The following ITGA8 variants were observed in gnomAD, a reference collection of about 807,000 sequenced individuals.
ITGA8 encodes integrin subunit alpha 8.
In ITGA8, 91 loss-of-function variants were observed where a neutral mutation model predicts 142.3. The observed-to-expected ratio is 0.64, with a 90% CI of 0.54 to 0.76. The LOEUF (loss-of-function observed/expected upper bound fraction) is 0.76. ITGA8 is among the 30% of genes least tolerant of loss of function. The pLI, the probability that ITGA8 is intolerant of heterozygous loss-of-function variation, is 0.00. For missense variants in ITGA8, 1,406 were observed against 1,327.7 expected (o/e 1.06, Z -0.92); for synonymous variants, 505 against 485.2 (o/e 1.04, Z -0.54).
chr10:15,713,674 C>T (rs1185462567), intron 2 of ITGA8, among the ~76,000 whole-genome samples: 2 of 152,056 alleles, frequency 1.3e-5, no homozygotes, highest in African/African-American at 4.8e-5. Context: ...AAAAAACAAC[C>T]CTAAGCCAGT....
rs528120756 is a variant in ITGA8, at chr10:15,589,081, G to T, written c.2292-2417C>A. 2.0e-5 allele frequency among the ~76,000 whole-genome samples: 3 copies of T among 152,278 alleles called. No individual in the cohort carries two copies. In the South Asian group the frequency reaches 6.2e-4, roughly 32 times the overall value. On this transcript the variant is annotated intron_variant, in intron 22 of 29. Transcript: ENST00000378076. Reference sequence around the variant, plus strand: ...ACATCCAAACAAGCCATCCATCACCGCCATGGAAGCTGAACTATTTAAACT... The same window carrying T: ...ACATCCAAACAAGCCATCCATCACCTCCATGGAAGCTGAACTATTTAAACT...
chr10:15,589,599 T>C (rs142656580), intron 22 of ITGA8, among the ~76,000 whole-genome samples: 1 of 152,324 alleles, frequency 6.6e-6, no homozygotes, highest in African/African-American at 2.4e-5. Flanking sequence ...TCAGAACATT[T>C]GGTTTAATTT....
chr10:15,662,583 C>T (rs758340095), intron 8 of ITGA8, among the ~76,000 whole-genome samples: 5 of 151,992 alleles, frequency 3.3e-5, no homozygotes, highest in South Asian at 2.1e-4. Context: ...AAGCCATCCA[C>T]CTGCTTCGGC....
intron 20 of ITGA8, among the ~76,000 whole-genome samples, chr10:15,600,997 T>C (rs1833094510): frequency 6.6e-6 from 1 of 152,152 alleles, no homozygotes. Context: ...CTCAGCACTT[T>C]GGGAGGCCAA....
intron 2 of ITGA8, among the ~76,000 whole-genome samples, chr10:15,715,964 T>G (rs1238148129): frequency 6.6e-6 from 1 of 152,170 alleles, no homozygotes; most frequent in East Asian, 1.9e-4. Context: ...CCACACCCAT[T>G]TTCAGGCCAT....
chr10:15,558,579 G>A (rs1245704976), intron 25 of ITGA8, among the ~76,000 whole-genome samples: 3 of 152,142 alleles, frequency 2.0e-5, no homozygotes, highest in African/African-American at 7.2e-5. Context: ...GTTAAACTGA[G>A]GAACGTTCTG....
chr10:15,577,117 C>G (rs911314321), intron 23 of ITGA8, among the ~76,000 whole-genome samples: 1 of 152,104 alleles, frequency 6.6e-6, no homozygotes, highest in Admixed American at 6.6e-5. Context: ...TGTTCACTAT[C>G]CATTGTCCAT....
chr10:15,533,197 C>G (rs367798379), intron 27 of ITGA8, among the ~76,000 whole-genome samples: 1 of 152,112 alleles, frequency 6.6e-6, no homozygotes, highest in African/African-American at 2.4e-5. Flanking sequence ...ATTAGATAAA[C>G]GCTTTTTTCC....
intron 27 of ITGA8, among the ~76,000 whole-genome samples, chr10:15,541,245 C>G (rs1452137856): frequency 6.6e-6 from 1 of 152,172 alleles, no homozygotes; most frequent in African/African-American, 2.4e-5. Context: ...GCAGTGTCAC[C>G]TGTCACCTGA....
chr10:15,529,977 G>A (rs1833256300), intron 28 of ITGA8, among the ~76,000 whole-genome samples: 1 of 152,210 alleles, frequency 6.6e-6, no homozygotes, highest in South Asian at 2.1e-4. Flanking sequence ...AGGTCTGGGG[G>A]ACCAAGAGTT....
intron 13 of ITGA8, among the ~76,000 whole-genome samples, chr10:15,640,035 G>C (rs189671312): frequency 6.6e-6 from 1 of 152,310 alleles, no homozygotes; most frequent in African/African-American, 2.4e-5. Context: ...TGAGACATGA[G>C]GTTTCATTGA....
Position 15,553,994 on chromosome 10 carries a change from C to CA in ITGA8, c.2766+4079dup, listed in dbSNP as rs1417578931. On this transcript the variant is annotated intron_variant, in intron 26 of 29. Transcript: ENST00000378076. ...AGCACCAAGAGTGAAACTCTTGTCT[C>CA]AAGAAAAAAAAAAAGTTATCCATAT... 3.1e-3 allele frequency among the ~76,000 whole-genome samples: 451 copies of CA among 143,196 alleles called. 1 individual carries two copies. Among genetic ancestry groups the CA allele is most frequent in the Non-Finnish European group, 5.0e-3 (327 of 65,568 alleles). 93.9% of individuals were successfully genotyped at this position (143,196 alleles called of 152,430 possible).
At chr10:15,615,534 G>T (rs574794657) in intron 14 of ITGA8, among the ~76,000 whole-genome samples, 42 of 152,194 alleles carry the variant, frequency 2.8e-4, no homozygotes, top group Admixed American at 1.9e-3. Flanking sequence ...TTATTTTTGA[G>T]ATGGAGTCTC....
chr10:15,554,617 G>A (rs1000757517), intron 26 of ITGA8, among the ~76,000 whole-genome samples: 7 of 152,176 alleles, frequency 4.6e-5, no homozygotes, highest in Non-Finnish European at 1.0e-4. Flanking sequence ...GGCTGAGAGA[G>A]TAGAAGACTA....
rs1035267886 is a variant in ITGA8, at chr10:15,525,786, A to G, written c.2982+5264T>C. 5.9e-5 allele frequency among the ~76,000 whole-genome samples: 9 copies of G among 151,308 alleles called. No individual in the cohort carries two copies. The East Asian group carries it at 1.7e-3, about 29-fold the overall frequency. The stretch of plus-strand genomic sequence containing the variant: ...CCTTTCAACATGTAATTGGTTCTTT[A>G]TTATGAATCATGTATTATTTATTAA... On this transcript the variant is annotated intron_variant, in intron 28 of 29. Coordinates refer to ENST00000378076, the MANE Select transcript of ITGA8 (RefSeq NM_003638.3).
intron 11 of ITGA8, among the ~76,000 whole-genome samples, chr10:15,651,285 A>G (rs1834080656): frequency 6.6e-6 from 1 of 152,204 alleles, no homozygotes; most frequent in Admixed American, 6.5e-5. Context: ...AATTCCTAAC[A>G]AAGCTTACAT....
At chr10:15,716,903 C>T (rs1404882348) in intron 2 of ITGA8, among the ~76,000 whole-genome samples, 1 of 152,136 alleles carries the variant, frequency 6.6e-6, no homozygotes, top group Non-Finnish European at 1.5e-5. Flanking sequence ...CTCAAGTGAT[C>T]CACCTGCCTC....
At chr10:15,543,737 T>TAA (rs1833616950) in intron 27 of ITGA8, among the ~76,000 whole-genome samples, 1 of 152,190 alleles carries the variant, frequency 6.6e-6, no homozygotes, top group African/African-American at 2.4e-5. Context: ...GAGGGTTGAA[T>TAA]AATGTCTTAC....
intron 25 of ITGA8, among the ~76,000 whole-genome samples, chr10:15,560,140 G>C (rs1833948993): frequency 6.6e-6 from 1 of 152,088 alleles, no homozygotes; most frequent in Non-Finnish European, 1.5e-5. Context: ...AATAGCCAAT[G>C]TGGTGGGACA....
Sources: gnomAD v4.1 joint callset for allele counts (sites outside exome capture counted in the v4.1 genomes callset) on GRCh38, gnomAD v4.1.1 for gene constraint, MANE v1.5 for transcripts, NCBI Gene and HGNC (gene_info 2026-07-23, HGNC 2026-07-21) for gene names.